Variants in CCDC149 observed in about 807,000 individuals in gnomAD.
CCDC149 encodes coiled-coil domain-containing protein 149.
CCDC149 carries 45 observed loss-of-function variants against 59.9 expected under a neutral mutation model. The ratio of observed to expected loss-of-function variants is 0.75; its 90% confidence interval spans 0.59 to 0.96. The LOEUF is 0.96. Ranked by LOEUF, CCDC149 falls within the 40% of genes least tolerant of loss-of-function variation. CCDC149 has a pLI of 0.00. For missense variants in CCDC149, 584 were observed against 664.7 expected (o/e 0.88, Z 1.33); for synonymous variants, 245 against 260.6 (o/e 0.94, Z 0.58).
intron 1 of CCDC149, among the ~76,000 whole-genome samples, chr4:24,950,577 AC>A (rs943386386): frequency 1.5e-4 from 23 of 152,126 alleles, no homozygotes; most frequent in African/African-American, 5.6e-4. Context: ...TTAAATCTAA[AC>A]CCTGCCATGA....
Position 24,837,125 on chromosome 4 carries a change from G to T in CCDC149, c.662+103C>A. Reference sequence around the variant, plus strand: ...GAGTGAGTTTCTTTTCACTTGTAAGGCAATTTTCTCCAAAATAAATAGGGC... The same window carrying T: ...GAGTGAGTTTCTTTTCACTTGTAAGTCAATTTTCTCCAAAATAAATAGGGC... On this transcript the variant is annotated intron_variant, in intron 6 of 12. Coordinates refer to ENST00000635206, the MANE Select transcript of CCDC149 (RefSeq NM_001330643.2). The surrounding 1 kb of genome is among the most constrained non-coding windows in gnomAD (Gnocchi z 4.3). The T allele has an allele frequency of 9.0e-7, 1 of 1,108,266 alleles. No individual in the cohort carries two copies. Among genetic ancestry groups the T allele is most frequent in the Non-Finnish European group, 1.3e-6 (1 of 781,726 alleles). The allele number at this position is 1,108,266 out of a possible 1,614,324, so 68.7% of individuals were successfully genotyped here.
downstream of CCDC149, among the ~76,000 whole-genome samples, chr4:24,804,930 C>T (rs781500584): frequency 1.3e-5 from 2 of 152,114 alleles, no homozygotes; most frequent in Non-Finnish European, 2.9e-5. Context: ...CTGAGGCCAT[C>T]AGGAGCCTCC....
intron 1 of CCDC149, among the ~76,000 whole-genome samples, chr4:24,945,624 C>CTTTTTTT (rs33977689): frequency 7.1e-6 from 1 of 141,764 alleles, no homozygotes; most frequent in Non-Finnish European, 1.5e-5. Context: ...TATGCCCTAA[C>CTTTTTTT]TTTTTTTTTT....
At chr4:24,878,227 A>G (rs1719600868) in intron 1 of CCDC149, among the ~76,000 whole-genome samples, 1 of 151,762 alleles carries the variant, frequency 6.6e-6, no homozygotes, top group Non-Finnish European at 1.5e-5. Context: ...AAAAAAAAAA[A>G]AAAAAAAAAA....
chr4:24,950,583 C>T (rs993677243), intron 1 of CCDC149, among the ~76,000 whole-genome samples: 7 of 152,184 alleles, frequency 4.6e-5, no homozygotes, highest in African/African-American at 1.7e-4. Context: ...CTAAACCCTG[C>T]CATGAGCCAG....
intron 1 of CCDC149, among the ~76,000 whole-genome samples, chr4:24,976,726 A>C (rs1724215937): frequency 6.6e-6 from 1 of 152,112 alleles, no homozygotes; most frequent in South Asian, 2.1e-4. Flanking sequence ...TCTCAAAAAA[A>C]CAAAAAACAA....
chr4:24,931,580 C>T (rs778908466), intron 1 of CCDC149, among the ~76,000 whole-genome samples: 2 of 151,034 alleles, frequency 1.3e-5, no homozygotes, highest in Non-Finnish European at 2.9e-5. Flanking sequence ...AGAAGAGAGG[C>T]CAAATGAGCC....
At position 24,876,604 on chromosome 4, in the gene CCDC149, A is replaced by T; in HGVS notation, c.157T>A (p.Tyr53Asn). 1.2e-6 allele frequency: 2 copies of T among 1,614,140 alleles called. No individual in the cohort carries two copies. Among genetic ancestry groups the T allele is most frequent in the Non-Finnish European group, 1.7e-6 (2 of 1,180,018 alleles). ...CGGAGCTGATTGGCCATGAGTTTGT[A>T]CTGGTCCCTTTCCTGTTGACAGGTG... Residue 53 changes from tyrosine (Y) to asparagine (N), a missense_variant, in exon 2 of 13, where the codon TAC (tyrosine) becomes AAC (asparagine). Transcript: ENST00000635206.
At chr4:24,917,734 A>G (rs1722170774), upstream of CCDC149, among the ~76,000 whole-genome samples, 1 of 152,160 alleles carries the variant, frequency 6.6e-6, no homozygotes, top group African/African-American at 2.4e-5. Flanking sequence ...GAAGGAGTTA[A>G]ATGGAAAAGA....
chr4:24,910,154 C>T (rs918272679), intron 1 of CCDC149, among the ~76,000 whole-genome samples: 4 of 152,150 alleles, frequency 2.6e-5, no homozygotes, highest in African/African-American at 9.7e-5. Context: ...CTGCCAGCGA[C>T]CTCTGGCATG....
chr4:24,975,741 C>T (rs946482025), intron 1 of CCDC149, among the ~76,000 whole-genome samples: 1 of 151,998 alleles, frequency 6.6e-6, no homozygotes, highest in Admixed American at 6.6e-5. Flanking sequence ...AAGGGTGGTC[C>T]CCCAAAGAAA....
At chr4:24,852,578 G>A (rs893125026) in intron 4 of CCDC149, among the ~76,000 whole-genome samples, 18 of 152,132 alleles carry the variant, frequency 1.2e-4, no homozygotes, top group Non-Finnish European at 2.6e-4. Flanking sequence ...CAACAGGGGA[G>A]TTTGATTAAT....
intron 3 of CCDC149, among the ~76,000 whole-genome samples, chr4:24,862,414 C>T (rs929085447): frequency 6.6e-6 from 1 of 152,220 alleles, no homozygotes. Context: ...AGCAGTTAAT[C>T]CCCTGCTGGT....
intron 1 of CCDC149, among the ~76,000 whole-genome samples, chr4:24,879,517 CA>C (rs34213743): frequency 0.16 from 19,024 of 115,852 alleles, 1,304 homozygotes; most frequent in African/African-American, 0.19. Context: ...ACTCTTGTCT[CA>C]AAAAAAAAAA....
intron 1 of CCDC149, among the ~76,000 whole-genome samples, chr4:24,959,832 A>G (rs769921495): frequency 6.6e-6 from 1 of 152,210 alleles, no homozygotes; most frequent in Non-Finnish European, 1.5e-5. Context: ...AACAAATGCA[A>G]AATAAAGATG....
chr4:24,948,027 T>C lies in CCDC149; in HGVS notation c.-65+32042A>G, dbSNP rs534187116. Among the ~76,000 whole-genome samples the C allele has an allele frequency of 5.3e-5, 8 of 152,288 alleles. No homozygotes were observed. The East Asian group carries it at 1.5e-3, about 29-fold the overall frequency. On this transcript the variant is annotated intron_variant, in intron 1 of 12. Transcript: ENST00000389609. ...GGGGCTTGAAGGGATAGGGAGAGCCTTCGTTCCCTCCCTGTTCATGGACGT... is the reference window on the plus strand; with the variant it reads ...GGGGCTTGAAGGGATAGGGAGAGCCCTCGTTCCCTCCCTGTTCATGGACGT...
Position 24,838,258 on chromosome 4 carries a change from C to G in CCDC149, c.387G>C (p.Thr129=). ...CGTCTCCGAGCCTTTGTTTGGCAATCGTCATCCTCAAGAGCTGCATTTTCC... is the reference window on the plus strand; with the variant it reads ...CGTCTCCGAGCCTTTGTTTGGCAATGGTCATCCTCAAGAGCTGCATTTTCC... The change falls in exon 5 of 13, where the codon ACG becomes ACC. Residue 129 remains threonine, a synonymous_variant. Transcript: ENST00000635206. 6.2e-7 allele frequency: 1 copy of G among 1,613,816 alleles called. No homozygotes were observed. The highest frequency in any genetic ancestry group is 8.5e-7 in the Non-Finnish European group (1 of 1,179,746).
intron 1 of CCDC149, chr4:24,895,076 A>C: frequency 7.0e-7 from 1 of 1,434,422 alleles, no homozygotes; most frequent in Non-Finnish European, 9.5e-7. Context: ...TGATGAGTTA[A>C]TGACGTGGCA....
At chr4:24,839,030 A>T (rs11941147) in intron 4 of CCDC149, among the ~76,000 whole-genome samples, 8,640 of 107,018 alleles carry the variant, frequency 0.081, 227 homozygotes, top group Non-Finnish European at 0.11. Flanking sequence ...TCTCTCTCTC[A>T]CACACACACA....
Sources: gnomAD v4.1 joint callset for allele counts (sites outside exome capture counted in the v4.1 genomes callset) on GRCh38, gnomAD v4.1.1 for gene constraint, Gnocchi (gnomAD v3.1) non-coding constraint, MANE v1.5 for transcripts, NCBI Gene and HGNC (gene_info 2026-07-23, HGNC 2026-07-21) for gene names.